NKAIN2: variants seen among roughly 807,000 people sequenced by gnomAD.
NKAIN2 encodes sodium/potassium transporting ATPase interacting 2, also known as sodium/potassium-transporting ATPase subunit beta-1-interacting protein 2.
In NKAIN2, 14 loss-of-function variants were observed where a neutral mutation model predicts 32.6. The observed-to-expected ratio is 0.43, with a 90% CI of 0.28 to 0.67. The LOEUF (loss-of-function observed/expected upper bound fraction) is 0.67, where lower values mean the gene tolerates loss of function less well. NKAIN2 is among the 30% of genes least tolerant of loss of function. The pLI is 0.17. For missense variants in NKAIN2, 198 were observed against 258.3 expected (o/e 0.77, Z 1.60); for synonymous variants, 80 against 87.2 (o/e 0.92, Z 0.46).
intron 1 of NKAIN2, among the ~76,000 whole-genome samples, chr6:124,130,644 T>A (rs1300623673): frequency 6.6e-6 from 1 of 151,950 alleles, no homozygotes; most frequent in African/African-American, 2.4e-5. Context: ...TGTTAATCTT[T>A]AGTGTGTAAA....
At chr6:123,966,070 G>A (rs1400672151) in intron 1 of NKAIN2, among the ~76,000 whole-genome samples, 1 of 152,108 alleles carries the variant, frequency 6.6e-6, no homozygotes, top group African/African-American at 2.4e-5. Flanking sequence ...ACTGGACAGG[G>A]TCCATAAAAA....
At chr6:123,946,009 A>T (rs1372820693) in intron 1 of NKAIN2, among the ~76,000 whole-genome samples, 1 of 152,132 alleles carries the variant, frequency 6.6e-6, no homozygotes, top group African/African-American at 2.4e-5. Context: ...TATCAAGTTC[A>T]TTCCATTTTT....
At chr6:124,178,716 G>A (rs1789289367) in intron 1 of NKAIN2, among the ~76,000 whole-genome samples, 1 of 152,154 alleles carries the variant, frequency 6.6e-6, no homozygotes, top group South Asian at 2.1e-4. Flanking sequence ...TTTTCTCAAG[G>A]TGACAGAGCT....
chr6:123,919,098 A>G (rs1415904102), intron 1 of NKAIN2, among the ~76,000 whole-genome samples: 1 of 152,108 alleles, frequency 6.6e-6, no homozygotes, highest in Non-Finnish European at 1.5e-5. Context: ...CAAAAGAATT[A>G]TGTGCAAATG....
chr6:123,858,459 A>G (rs1436248308), intron 1 of NKAIN2, among the ~76,000 whole-genome samples: 2 of 152,136 alleles, frequency 1.3e-5, no homozygotes, highest in Non-Finnish European at 2.9e-5. Flanking sequence ...TTTATAGATG[A>G]GGAATTTGAG....
intron 4 of NKAIN2, among the ~76,000 whole-genome samples, chr6:124,708,531 G>T (rs1471783692): frequency 4.6e-5 from 7 of 152,022 alleles, no homozygotes; most frequent in Non-Finnish European, 8.8e-5. Flanking sequence ...GCAGTGGTTT[G>T]TAGTTCTCCT....
intron 3 of NKAIN2, among the ~76,000 whole-genome samples, chr6:124,357,788 T>C (rs1046636622): frequency 2.0e-5 from 3 of 150,528 alleles, no homozygotes; most frequent in African/African-American, 7.3e-5. Flanking sequence ...TTTTTTTTAT[T>C]ATTATACTTT....
At chr6:124,083,209 T>C (rs1224550938) in intron 1 of NKAIN2, among the ~76,000 whole-genome samples, 1 of 151,926 alleles carries the variant, frequency 6.6e-6, no homozygotes, top group African/African-American at 2.4e-5. Context: ...TGTGAAACTT[T>C]GGACTTAACA....
chr6:124,128,993 G>C (rs1207853137), intron 1 of NKAIN2, among the ~76,000 whole-genome samples: 3 of 152,150 alleles, frequency 2.0e-5, no homozygotes, highest in Non-Finnish European at 4.4e-5. Context: ...GGTGAGGCCT[G>C]AGAATTTGAA....
At chr6:124,719,223 C>T (rs1021839142) in intron 4 of NKAIN2, among the ~76,000 whole-genome samples, 1 of 152,150 alleles carries the variant, frequency 6.6e-6, no homozygotes, top group Admixed American at 6.5e-5. Context: ...CTATCCCAAC[C>T]TATTCCATAA....
intron 1 of NKAIN2, among the ~76,000 whole-genome samples, chr6:123,888,503 T>C (rs1039635846): frequency 6.6e-6 from 1 of 152,184 alleles, no homozygotes; most frequent in Non-Finnish European, 1.5e-5. Flanking sequence ...TGCTTAAGTT[T>C]GGTGTCTTAT....
intron 1 of NKAIN2, among the ~76,000 whole-genome samples, chr6:123,915,817 A>G (rs1775466586): frequency 6.6e-6 from 1 of 152,196 alleles, no homozygotes; most frequent in African/African-American, 2.4e-5. Context: ...CTAAATGTTT[A>G]TTAAATAAAC....
intron 1 of NKAIN2, among the ~76,000 whole-genome samples, chr6:124,037,605 T>C (rs765875933): frequency 1.7e-4 from 26 of 152,258 alleles, no homozygotes; most frequent in Admixed American, 1.2e-3. Flanking sequence ...TCCCAATACA[T>C]CAAAGAGCCT....
At chr6:124,548,782 A>G (rs953725969) in intron 3 of NKAIN2, among the ~76,000 whole-genome samples, 11 of 152,138 alleles carry the variant, frequency 7.2e-5, no homozygotes, top group Non-Finnish European at 5.9e-5. Flanking sequence ...GAAAATCAGG[A>G]ATGTGTGGTG....
At chr6:124,759,646 CACACACA>C (rs1562367771) in intron 4 of NKAIN2, among the ~76,000 whole-genome samples, 3 of 109,514 alleles carry the variant, frequency 2.7e-5, no homozygotes, top group African/African-American at 6.3e-5. Flanking sequence ...CACACACACA[CACACACA>C]CACCCCCTAT....
intron 1 of NKAIN2, among the ~76,000 whole-genome samples, chr6:123,920,528 G>A (rs1775703643): frequency 6.6e-6 from 1 of 152,072 alleles, no homozygotes; most frequent in Admixed American, 6.6e-5. Context: ...GAGAAATCTA[G>A]TATAGAATGA....
intron 1 of NKAIN2, among the ~76,000 whole-genome samples, chr6:124,234,264 CCTAAAATA>C (rs1481282437): frequency 1.3e-5 from 2 of 152,104 alleles, no homozygotes; most frequent in African/African-American, 4.8e-5. Context: ...TGCAATTTTT[CCTAAAATA>C]CTATTTCTTT....
chr6:124,032,363 A>C (rs528840742), intron 1 of NKAIN2, among the ~76,000 whole-genome samples: 16 of 152,120 alleles, frequency 1.1e-4, no homozygotes, highest in Non-Finnish European at 2.2e-4. Context: ...ATACATATGT[A>C]ACAAACCTGC....
At chr6:124,573,360 CT>C (rs1038879308) in intron 3 of NKAIN2, among the ~76,000 whole-genome samples, 1 of 152,058 alleles carries the variant, frequency 6.6e-6, no homozygotes, top group Non-Finnish European at 1.5e-5. Context: ...TCAATTATTT[CT>C]TCCTTATTTT....
Sources: allele counts gnomAD v4.1 joint callset (sites outside exome capture counted in the v4.1 genomes callset), GRCh38; gene constraint gnomAD v4.1.1; transcripts MANE v1.5; gene names NCBI Gene and HGNC (gene_info 2026-07-23, HGNC 2026-07-21).